The following ZNF248 variants were observed in gnomAD, a reference collection of about 807,000 sequenced individuals.
ZNF248 encodes zinc finger protein 248, also known as KRAB protein domain.
A neutral mutation model predicts 44.3 loss-of-function variants in ZNF248; 20 were observed. That is an observed-to-expected ratio of 0.45 (90% CI 0.32 to 0.66). The LOEUF (loss-of-function observed/expected upper bound fraction) is 0.66. ZNF248 is among the 30% of genes least tolerant of loss of function. The pLI, the probability that ZNF248 is intolerant of heterozygous loss-of-function variation, is 0.04. For synonymous variants in ZNF248, 224 were observed against 229.0 expected (o/e 0.98, Z 0.20); for missense variants, 654 against 677.0 (o/e 0.97, Z 0.38).
At chr10:37,787,221 G>A (rs574345165) in intron 6 of ZNF248, among the ~76,000 whole-genome samples, 2 of 152,238 alleles carry the variant, frequency 1.3e-5, no homozygotes, top group African/African-American at 2.4e-5. Context: ...AGAGGTTGCA[G>A]TGAGCTGAGA....
At position 37,832,736 on chromosome 10, in the gene ZNF248, G is replaced by A. The variant is rs888017970; in HGVS notation, c.619C>T (p.Gln207Ter). The A allele has an allele frequency of 1.2e-6, 2 of 1,613,622 alleles. No homozygotes were observed. Among genetic ancestry groups the A allele is most frequent in the Non-Finnish European group, 8.5e-7 (1 of 1,179,858 alleles). ...TCAAAAGATTGGCCAAAACTTGGCTGACTGAGATCCTGGTGATAATTAATG... is the reference window on the plus strand; with the variant it reads ...TCAAAAGATTGGCCAAAACTTGGCTAACTGAGATCCTGGTGATAATTAATG... ...NAINYHQDLS[Q>*]PSFGQSFEYS... is the part of the protein sequence containing the mutation. The change falls in exon 6 of 6, where the codon CAG (glutamine) becomes TAG (stop). Residue 207 changes from glutamine (Q) to a stop codon, truncating the protein, a stop_gained. Transcript: ENST00000395867. LOFTEE classifies it high-confidence loss of function.
chr10:37,823,595 A>T (rs549764111), intron 6 of ZNF248, among the ~76,000 whole-genome samples: 1 of 151,960 alleles, frequency 6.6e-6, no homozygotes, highest in African/African-American at 2.4e-5. Context: ...GTTTTTTGAG[A>T]CAGAGTCTCG....
downstream of ZNF248, among the ~76,000 whole-genome samples, chr10:37,824,801 C>T (rs954222057): frequency 1.4e-5 from 2 of 145,264 alleles, no homozygotes; most frequent in African/African-American, 2.5e-5. Context: ...CCTGCCTCAG[C>T]CTCCTGAGTA....
the ZNF248 span, among the ~76,000 whole-genome samples, chr10:37,761,409 G>A: frequency 4.6e-5 from 7 of 152,228 alleles, no homozygotes; most frequent in Admixed American, 3.9e-4. Context: ...ATCACATGGT[G>A]TAGAGAAAAC....
chr10:37,770,383 G>T, the ZNF248 span, among the ~76,000 whole-genome samples: 1 of 152,130 alleles, frequency 6.6e-6, no homozygotes, highest in Admixed American at 6.6e-5. Context: ...ATACTACAAG[G>T]CTACAGTAAC....
intron 3 of ZNF248, among the ~76,000 whole-genome samples, chr10:37,840,972 C>G (rs975388428): frequency 6.6e-6 from 1 of 152,138 alleles, no homozygotes; most frequent in Non-Finnish European, 1.5e-5. Flanking sequence ...CATGGCCAAG[C>G]TGAAGCAGTT....
rs148710447 is a variant in ZNF248, at chr10:37,802,417, C to T, written c.331-25842G>A. ...GAGAGACGCTGTGGAGGAACACCCA[C>T]GTGTCCATGCTGACTCTGACAGGTC... On this transcript the variant is annotated intron_variant, in intron 6 of 6. Transcript: ENST00000615949. Among the ~76,000 whole-genome samples, 151 of 152,274 alleles carry T rather than the reference C, an allele frequency of 9.9e-4. 1 individual carries two copies. Among genetic ancestry groups the T allele is most frequent in the African/African-American group, 3.4e-3 (143 of 41,552 alleles).
At position 37,835,230 on chromosome 10, in the gene ZNF248, A is replaced by C. The variant is rs571123063; in HGVS notation, c.239-2114T>G. On this transcript the variant is annotated intron_variant, in intron 5 of 5. Transcript: ENST00000395867. Reference sequence around the variant, plus strand: ...CATAGTTTTGCTTTTGAGTTATATCAGTGAAAAGTGAGAATATAAAGGTAT... The same window carrying C: ...CATAGTTTTGCTTTTGAGTTATATCCGTGAAAAGTGAGAATATAAAGGTAT... Among the ~76,000 whole-genome samples, 35 of 152,318 alleles carry C rather than the reference A, an allele frequency of 2.3e-4. 1 individual carries two copies. Among genetic ancestry groups the C allele is most frequent in the African/African-American group, 7.9e-4 (33 of 41,586 alleles).
chr10:37,784,633 G>T (rs1204032874), intron 6 of ZNF248, among the ~76,000 whole-genome samples: 1 of 152,132 alleles, frequency 6.6e-6, no homozygotes, highest in Non-Finnish European at 1.5e-5. Flanking sequence ...AGACTCAAAT[G>T]CAGTTCACTT....
intron 6 of ZNF248, among the ~76,000 whole-genome samples, chr10:37,808,882 C>G (rs1208691): frequency 0.061 from 9,103 of 150,334 alleles, 348 homozygotes; most frequent in Middle Eastern, 0.097. Flanking sequence ...GTTTTTTTTT[C>G]ATTACTGATG....
Position 37,831,316 on chromosome 10 carries a change from T to C in ZNF248, c.*299A>G. 6.5e-7 allele frequency: 1 copy of C among 1,549,540 alleles called. No homozygotes were observed. On this transcript the variant is annotated 3_prime_UTR_variant, in exon 6 of 6. Transcript: ENST00000395867. Reference sequence around the variant, plus strand: ...CTTTTATAAGCTTCAGATTCCACTGTGAATATGGGTATAAATAAATATTGT... The same window carrying C: ...CTTTTATAAGCTTCAGATTCCACTGCGAATATGGGTATAAATAAATATTGT...
At chr10:37,777,589 G>A (rs1204798586) in intron 6 of ZNF248, among the ~76,000 whole-genome samples, 1 of 149,798 alleles carries the variant, frequency 6.7e-6, no homozygotes, top group African/African-American at 2.5e-5. Flanking sequence ...CATTGTGCAG[G>A]TTAGTTACAT....
chr10:37,825,101 T>G (rs995242921), downstream of ZNF248, among the ~76,000 whole-genome samples: 4 of 152,096 alleles, frequency 2.6e-5, no homozygotes, highest in Non-Finnish European at 4.4e-5. Context: ...GATATGTTGT[T>G]CATAAAGTGA....
chr10:37,844,215 G>GA (rs1214948293), intron 3 of ZNF248, among the ~76,000 whole-genome samples: 1 of 151,862 alleles, frequency 6.6e-6, no homozygotes, highest in African/African-American at 2.4e-5. Flanking sequence ...GTTAAGAGGG[G>GA]AAAAAACAAA....
At chr10:37,821,774 G>A (rs1461155315) in intron 6 of ZNF248, among the ~76,000 whole-genome samples, 1 of 152,116 alleles carries the variant, frequency 6.6e-6, no homozygotes, top group African/African-American at 2.4e-5. Context: ...AGACGCTAAT[G>A]GATTCCAATG....
intron 6 of ZNF248, among the ~76,000 whole-genome samples, chr10:37,810,900 G>A (rs1333991876): frequency 6.6e-6 from 1 of 152,086 alleles, no homozygotes; most frequent in African/African-American, 2.4e-5. Context: ...TTGCTATTGT[G>A]GTGAGCTGAA....
At chr10:37,806,719 T>TA (rs2133309125) in intron 6 of ZNF248, among the ~76,000 whole-genome samples, 1 of 152,272 alleles carries the variant, frequency 6.6e-6, no homozygotes, top group South Asian at 2.1e-4. Flanking sequence ...TAGTGTCCTT[T>TA]AAAAAACATA....
At chr10:37,763,328 T>C in the ZNF248 span, among the ~76,000 whole-genome samples, 31,962 of 152,182 alleles carry the variant, frequency 0.21, 3,576 homozygotes, top group Middle Eastern at 0.29. Flanking sequence ...GAACAATAGG[T>C]GCTAATTTTC....
intron 6 of ZNF248, among the ~76,000 whole-genome samples, chr10:37,806,517 C>T (rs964664828): frequency 6.6e-6 from 1 of 151,770 alleles, no homozygotes; most frequent in Non-Finnish European, 1.5e-5. Context: ...TTTTCATATG[C>T]TTATGGGCCA....
Sources: allele counts gnomAD v4.1 joint callset (sites outside exome capture counted in the v4.1 genomes callset), GRCh38; gene constraint gnomAD v4.1.1; transcripts MANE v1.5; gene names NCBI Gene and HGNC (gene_info 2026-07-23, HGNC 2026-07-21).